Variants in PLEKHA5 observed in about 807,000 individuals in gnomAD.
The protein encoded by PLEKHA5 is pleckstrin homology domain-containing family A member 5.
In PLEKHA5, 55 loss-of-function variants were observed where a neutral mutation model predicts 181.9. The observed-to-expected ratio is 0.30, with a 90% CI of 0.24 to 0.38. The LOEUF (loss-of-function observed/expected upper bound fraction) is 0.38. PLEKHA5 is among the 10% of genes least tolerant of loss of function. The pLI is 1.00. For missense variants in PLEKHA5, 1,432 were observed against 1,549.5 expected, an observed-to-expected ratio of 0.92 and a Z score of 1.27; for synonymous variants, 535 against 529.4, an observed-to-expected ratio of 1.01 and a Z score of -0.15.
intron 8 of PLEKHA5, among the ~76,000 whole-genome samples, chr12:19,267,185 G>C (rs2070744829): frequency 6.6e-6 from 1 of 152,082 alleles, no homozygotes; most frequent in Non-Finnish European, 1.5e-5. Context: ...GTCTGTTTTA[G>C]AGTAAGGAAC....
Position 19,334,632 on chromosome 12 carries a change from A to G in PLEKHA5, c.2449-1883A>G, listed in dbSNP as rs191388439. 2.2e-4 allele frequency among the ~76,000 whole-genome samples: 33 copies of G among 151,716 alleles called. No homozygotes were observed. In the East Asian group the frequency reaches 6.0e-3, roughly 28 times the overall value. ...TTTTGTGGTGCACACAAATTAAACCATGGCTAGAATTAATTTTTGTTAAAG... is the reference window on the plus strand; with the variant it reads ...TTTTGTGGTGCACACAAATTAAACCGTGGCTAGAATTAATTTTTGTTAAAG... On this transcript the variant is annotated intron_variant, in intron 20 of 31. Coordinates refer to ENST00000429027, the MANE Select transcript of PLEKHA5 (RefSeq NM_001256470.2).
chr12:19,348,358 T>C (rs776316739), intron 24 of PLEKHA5, 41 bp from the exon 25 acceptor site: 44 of 1,498,104 alleles, frequency 2.9e-5, no homozygotes, highest in Non-Finnish European at 3.7e-5. Flanking sequence ...AAAAGAAACT[T>C]TTAGCAGTTT....
At chr12:19,355,766 G>A (rs2094893218) in intron 26 of PLEKHA5, among the ~76,000 whole-genome samples, 1 of 151,990 alleles carries the variant, frequency 6.6e-6, no homozygotes, top group Non-Finnish European at 1.5e-5. Flanking sequence ...ACTATTGTTT[G>A]TTCAGAGTTA....
intron 3 of PLEKHA5, among the ~76,000 whole-genome samples, chr12:19,174,552 C>T (rs368314557): frequency 2.2e-4 from 33 of 152,148 alleles, no homozygotes; most frequent in East Asian, 1.5e-3. Context: ...ACATTGCGAG[C>T]TCTTAGAGGC....
At position 19,342,301 on chromosome 12, in the gene PLEKHA5, T is replaced by G. The variant is rs73065163; in HGVS notation, c.2551-1022T>G. 4.9e-3 allele frequency among the ~76,000 whole-genome samples: 742 copies of G among 152,154 alleles called. 4 individuals are homozygous for G. Among genetic ancestry groups the G allele is most frequent in the Middle Eastern group, 0.014 (4 of 294 alleles). On this transcript the variant is annotated intron_variant, in intron 21 of 31. Transcript: ENST00000429027. ...CTAATAGAATCTCAGAGAAAACCAATGTAATCTTATTTTGGTTTCAGTTAG... is the reference window on the plus strand; with the variant it reads ...CTAATAGAATCTCAGAGAAAACCAAGGTAATCTTATTTTGGTTTCAGTTAG...
At position 19,314,855 on chromosome 12, in the gene PLEKHA5, G is replaced by T; in HGVS notation, c.2079G>T (p.Met693Ile). Reference protein sequence around the residue: ...NEPIITMVHTMIENSALRPQL... With the variant: ...NEPIITMVHTIIENSALRPQL... ...CTATTATCACCATGGTTCACACAAT[G>T]ATTGAGAACTCGGCGCTAAGACCCC... The change falls in exon 16 of 32, where the codon ATG (methionine) becomes ATT (isoleucine). Residue 693 changes from methionine (M) to isoleucine (I), a missense_variant. Around this residue, in one of 2 missense-constraint regions of PLEKHA5, gnomAD observed 1,143 missense variants for 1,168.4 expected, o/e 0.98. Transcript: ENST00000429027. The T allele has an allele frequency of 6.5e-7, 1 of 1,548,936 alleles. No homozygotes were observed. Among genetic ancestry groups the T allele is most frequent in the South Asian group, 1.2e-5 (1 of 83,984 alleles).
chr12:19,291,249 T>C (rs1005397532), intron 14 of PLEKHA5, among the ~76,000 whole-genome samples: 1 of 152,194 alleles, frequency 6.6e-6, no homozygotes, highest in African/African-American at 2.4e-5. Flanking sequence ...TTATTTTTAA[T>C]GAAAAGAACG....
chr12:19,191,010 G>A (rs960292198), intron 3 of PLEKHA5, among the ~76,000 whole-genome samples: 2 of 152,144 alleles, frequency 1.3e-5, no homozygotes, highest in African/African-American at 2.4e-5. Flanking sequence ...AACATATTTG[G>A]TATTTTATGT....
chr12:19,277,483 G>A lies in PLEKHA5; in HGVS notation c.1313+2500G>A, dbSNP rs1326048830. Among the ~76,000 whole-genome samples, 2 of 152,100 alleles carry A rather than the reference G, an allele frequency of 1.3e-5. 1 individual carries two copies. The highest frequency in any genetic ancestry group is 1.3e-4 in the Admixed American group (2 of 15,260). On this transcript the variant is annotated intron_variant, in intron 11 of 31. Coordinates refer to ENST00000429027, the MANE Select transcript of PLEKHA5 (RefSeq NM_001256470.2). ...ATACACCAACAGCTTCTGAAGGCTG[G>A]TTTTAGGTTATTTTGAGCTAAGATT...
intron 31 of PLEKHA5, among the ~76,000 whole-genome samples, chr12:19,374,524 TG>T (rs1345637270): frequency 5.9e-5 from 9 of 151,558 alleles, no homozygotes; most frequent in Middle Eastern, 3.4e-3. Context: ...CTGGGCGTGG[TG>T]GCATGCACCT....
chr12:19,238,864 A>G (rs79441311), intron 3 of PLEKHA5, among the ~76,000 whole-genome samples: 4,545 of 151,892 alleles, frequency 0.03, 70 homozygotes, highest in Middle Eastern at 0.058. Context: ...CTTGAAATTA[A>G]CATAAAAGTT....
Position 19,375,907 on chromosome 12 carries a change from G to A in PLEKHA5, c.*388G>A, listed in dbSNP as rs1303272645. ...TTTTGCTTTTCATTTTCTAAAGTTA[G>A]TTATTATTTCCATTGAAGCTTGTTT... On this transcript the variant is annotated 3_prime_UTR_variant, in exon 32 of 32. Coordinates refer to ENST00000429027, the MANE Select transcript of PLEKHA5 (RefSeq NM_001256470.2). 4 of 147,630 alleles carry A rather than the reference G, an allele frequency of 2.7e-5. No homozygotes were observed. The highest frequency in any genetic ancestry group is 6.1e-5 in the Non-Finnish European group (4 of 66,114). 9.1% of individuals were successfully genotyped at this position (147,630 alleles called of 1,614,324 possible).
At chr12:19,353,679 A>G (rs4963533) in intron 25 of PLEKHA5, among the ~76,000 whole-genome samples, 114,928 of 151,424 alleles carry the variant, frequency 0.76, 46,289 homozygotes, top group Non-Finnish European at 0.92. Flanking sequence ...GGCTGGTCTC[A>G]AACTCCTGAC....
intron 3 of PLEKHA5, among the ~76,000 whole-genome samples, chr12:19,240,550 C>G (rs2062350829): frequency 4.6e-5 from 7 of 150,882 alleles, no homozygotes; most frequent in Admixed American, 4.6e-4. Flanking sequence ...AAGGGATCCT[C>G]CCACCTCAGC....
intron 20 of PLEKHA5, among the ~76,000 whole-genome samples, chr12:19,327,218 T>C (rs2092262107): frequency 6.6e-6 from 1 of 151,690 alleles, no homozygotes; most frequent in Admixed American, 6.6e-5. Flanking sequence ...CATTTCCTTT[T>C]CTCTGCAGTC....
chr12:19,180,933 G>A (rs1436076386), intron 3 of PLEKHA5, among the ~76,000 whole-genome samples: 1 of 151,378 alleles, frequency 6.6e-6, no homozygotes, highest in Non-Finnish European at 1.5e-5. Context: ...CTGGTGTGGA[G>A]CCTGGGGATC....
rs111527959 is a variant in PLEKHA5, at chr12:19,280,860, G to A, written c.1314-2420G>A. 9.7e-4 allele frequency among the ~76,000 whole-genome samples: 147 copies of A among 151,692 alleles called. 2 individuals are homozygous for A. Among genetic ancestry groups the A allele is most frequent in the East Asian group, 3.5e-3 (18 of 5,144 alleles). On this transcript the variant is annotated intron_variant, in intron 11 of 31. Coordinates refer to ENST00000429027, the MANE Select transcript of PLEKHA5 (RefSeq NM_001256470.2). ...CGAGTAGCTGGAACTACAGGCGTGC[G>A]TCACCACACCTGGCTGATTTTTGTA... is the stretch of plus-strand genomic sequence containing the variant.
At chr12:19,159,802 A>G (rs1591852952) in intron 3 of PLEKHA5, among the ~76,000 whole-genome samples, 2 of 152,274 alleles carry the variant, frequency 1.3e-5, no homozygotes, top group South Asian at 2.1e-4. Context: ...TAAATACTCA[A>G]AAGTATTTGA....
In PLEKHA5 at chr12:19,351,861, G is replaced by A. The variant is rs144295523; in HGVS notation, c.3020-2023G>A. On this transcript the variant is annotated intron_variant, in intron 25 of 31. Transcript: ENST00000429027. ...GGCCGAGACAGGCAGATCACCTGAG[G>A]TCAGGAGTTCCAGACCAGCCTGACC... 5.4e-3 allele frequency among the ~76,000 whole-genome samples: 820 copies of A among 152,126 alleles called. 4 individuals are homozygous for A. Among genetic ancestry groups the A allele is most frequent in the African/African-American group, 0.019 (791 of 41,508 alleles).
Sources: gnomAD v4.1 joint callset for allele counts (sites outside exome capture counted in the v4.1 genomes callset) on GRCh38, gnomAD v4.1.1 for gene constraint, gnomAD v4.1.1 regional missense constraint, MANE v1.5 for transcripts, NCBI Gene and HGNC (gene_info 2026-07-23, HGNC 2026-07-21) for gene names.